The following STPG2 variants were observed in gnomAD, a reference collection of about 807,000 sequenced individuals.
STPG2 encodes sperm-tail PG-rich repeat-containing protein 2.
Under a neutral mutation model 54.2 loss-of-function variants are expected in STPG2, and 56 were observed. That is an observed-to-expected ratio of 1.03 (90% CI 0.83 to 1.29). STPG2 has a LOEUF of 1.29. Among genes scored for constraint, STPG2 ranks in the 50% most tolerant of loss-of-function variants. STPG2 has a pLI of 0.00. For synonymous variants in STPG2, 200 were observed against 181.8 expected, an observed-to-expected ratio of 1.10 and a Z score of -0.81; for missense variants, 596 against 544.9, an observed-to-expected ratio of 1.09 and a Z score of -0.93.
At chr4:97,604,052 T>G (rs2148909110) in intron 10 of STPG2, among the ~76,000 whole-genome samples, 1 of 151,834 alleles carries the variant, frequency 6.6e-6, no homozygotes, top group African/African-American at 2.4e-5. Context: ...CTGAAAACTT[T>G]ATATGGGAAA....
At chr4:97,564,589 GT>G (rs1234851293) in intron 10 of STPG2, among the ~76,000 whole-genome samples, 3 of 152,160 alleles carry the variant, frequency 2.0e-5, no homozygotes, top group Non-Finnish European at 4.4e-5. Flanking sequence ...TCCTTTCCAT[GT>G]TTAGTGCTTC....
intron 10 of STPG2, among the ~76,000 whole-genome samples, chr4:97,571,420 AC>A (rs1246978511): frequency 4.6e-5 from 7 of 152,198 alleles, no homozygotes; most frequent in African/African-American, 1.4e-4. Context: ...TTATACCTCT[AC>A]GGCACTAACA....
intron 9 of STPG2, among the ~76,000 whole-genome samples, chr4:97,821,983 G>A (rs557712425): frequency 6.6e-6 from 1 of 152,194 alleles, no homozygotes. Context: ...AATATCTCCA[G>A]CAAGTGGTTG....
chr4:98,051,913 C>T (rs1048419644), intron 5 of STPG2, among the ~76,000 whole-genome samples: 15 of 151,988 alleles, frequency 9.9e-5, no homozygotes, highest in African/African-American at 2.4e-4. Context: ...CATGGTGAAA[C>T]GCTGTCGCTA....
At chr4:97,737,737 G>T (rs1055226440) in intron 9 of STPG2, among the ~76,000 whole-genome samples, 1 of 152,182 alleles carries the variant, frequency 6.6e-6, no homozygotes, top group Admixed American at 6.5e-5. Context: ...ACGTCTCATC[G>T]GTGTACCTGA....
At chr4:98,140,398 G>C (rs1422199807) in intron 1 of STPG2, among the ~76,000 whole-genome samples, 1 of 151,894 alleles carries the variant, frequency 6.6e-6, no homozygotes, top group Non-Finnish European at 1.5e-5. Context: ...GATCACTCTT[G>C]CCACAAGATA....
chr4:97,468,197 G>C (rs1330116840), intron 4 of STPG2, among the ~76,000 whole-genome samples: 1 of 151,930 alleles, frequency 6.6e-6, no homozygotes, highest in Non-Finnish European at 1.5e-5. Context: ...TTTTTCCAAT[G>C]TAATGGTTTC....
chr4:97,890,068 T>C (rs1374692646), intron 8 of STPG2, among the ~76,000 whole-genome samples: 1 of 152,158 alleles, frequency 6.6e-6, no homozygotes, highest in Non-Finnish European at 1.5e-5. Context: ...GGCATAATTC[T>C]CAAAAGAGTA....
chr4:97,513,606 C>T (rs557725676), intron 4 of STPG2, among the ~76,000 whole-genome samples: 103 of 152,114 alleles, frequency 6.8e-4, no homozygotes, highest in Admixed American at 2.0e-3. Flanking sequence ...AGATGAAGTC[C>T]AAATATATAC....
chr4:97,926,883 G>C (rs1232028181), intron 8 of STPG2, among the ~76,000 whole-genome samples: 2 of 151,944 alleles, frequency 1.3e-5, no homozygotes, highest in African/African-American at 2.4e-5. Context: ...AATTTTTATA[G>C]CTAAAAATAT....
At chr4:97,617,018 T>C (rs1449036616) in intron 10 of STPG2, among the ~76,000 whole-genome samples, 8 of 152,178 alleles carry the variant, frequency 5.3e-5, no homozygotes, top group African/African-American at 1.7e-4. Context: ...TCCCAGTATG[T>C]TAGTTTATAA....
chr4:97,958,315 AAAAG>A (rs1733762779), intron 7 of STPG2, among the ~76,000 whole-genome samples: 1 of 151,906 alleles, frequency 6.6e-6, no homozygotes, highest in Admixed American at 6.6e-5. Context: ...GTCTCAAAAA[AAAAG>A]AAAAGTAAAG....
chr4:97,964,508 A>C (rs1240768589), intron 7 of STPG2, among the ~76,000 whole-genome samples: 4 of 152,218 alleles, frequency 2.6e-5, no homozygotes, highest in Non-Finnish European at 4.4e-5. Flanking sequence ...ATATAGACTT[A>C]TTTGAGCACA....
At chr4:97,974,053 AG>A (rs1358278081) in intron 6 of STPG2, among the ~76,000 whole-genome samples, 2 of 152,174 alleles carry the variant, frequency 1.3e-5, no homozygotes, top group Non-Finnish European at 2.9e-5. Flanking sequence ...TCCGGGAGGG[AG>A]GCTGTATCCT....
chr4:97,795,194 T>C (rs77802270), intron 9 of STPG2, among the ~76,000 whole-genome samples: 2,644 of 152,222 alleles, frequency 0.017, 73 homozygotes, highest in African/African-American at 0.06. Context: ...TTTTATTAAT[T>C]TTTCTTTCTT....
chr4:97,874,029 C>T (rs1360895458), intron 8 of STPG2, among the ~76,000 whole-genome samples: 6 of 151,272 alleles, frequency 4.0e-5, no homozygotes, highest in Admixed American at 6.6e-5. Context: ...GTAGAATGGA[C>T]ATAATGAAAG....
chr4:97,977,115 C>T (rs1202802373), intron 6 of STPG2, among the ~76,000 whole-genome samples: 1 of 152,124 alleles, frequency 6.6e-6, no homozygotes, highest in Non-Finnish European at 1.5e-5. Flanking sequence ...CTGTAAAAGA[C>T]TAAAAAGTGC....
intron 10 of STPG2, among the ~76,000 whole-genome samples, chr4:97,626,631 T>C (rs1007067066): frequency 6.6e-6 from 1 of 152,118 alleles, no homozygotes; most frequent in Admixed American, 6.6e-5. Context: ...CAAATATATG[T>C]AGATATTTTA....
intron 6 of STPG2, among the ~76,000 whole-genome samples, chr4:97,973,953 C>A (rs1734421624): frequency 6.6e-6 from 1 of 152,182 alleles, no homozygotes. Flanking sequence ...AGAGGGCCAC[C>A]ATATTCCAAA....
Sources: gnomAD v4.1 joint callset for allele counts (sites outside exome capture counted in the v4.1 genomes callset) on GRCh38, gnomAD v4.1.1 for gene constraint, MANE v1.5 for transcripts, NCBI Gene and HGNC (gene_info 2026-07-23, HGNC 2026-07-21) for gene names.